The following ADAM12 variants were observed in gnomAD, a reference collection of about 807,000 sequenced individuals.
ADAM12 encodes the protein ADAM metallopeptidase domain 12, also known as disintegrin and metalloproteinase domain-containing protein 12.
Under a neutral mutation model 106.4 loss-of-function variants are expected in ADAM12, and 70 were observed. The ratio of observed to expected loss-of-function variants is 0.66; its 90% CI spans 0.54 to 0.80. ADAM12 has a LOEUF of 0.80. Among genes scored for constraint, ADAM12 ranks in the 30% least tolerant of loss-of-function variants. The pLI is 0.00. For synonymous variants in ADAM12, 420 were observed against 433.5 expected (o/e 0.97, Z 0.39); for missense variants, 1,010 against 1,171.9 (o/e 0.86, Z 2.02).
intron 1 of ADAM12, among the ~76,000 whole-genome samples, chr10:126,387,808 C>T (rs936171692): frequency 1.3e-5 from 2 of 150,524 alleles, no homozygotes; most frequent in East Asian, 4.0e-4. Context: ...GGAGCGGTCC[C>T]GAGGCTGTGC....
rs115800583 is a variant in ADAM12 at position 126,276,566 on chromosome 10, C to T, written c.260+2349G>A. 7.0e-3 allele frequency among the ~76,000 whole-genome samples: 1,071 copies of T among 152,056 alleles called. 10 individuals are homozygous for T. The highest frequency in any genetic ancestry group is 0.025 in the African/African-American group (1,019 of 41,490). ...TTATACTGAAGTATTTTTGGTAATG[C>T]ATCATTAAAATAGTAATATTGGCAT... On this transcript the variant is annotated intron_variant, in intron 3 of 22. Coordinates refer to ENST00000448723, the MANE Select transcript of ADAM12 (RefSeq NM_001288973.2).
chr10:126,178,607 C>T (rs986664848), intron 3 of ADAM12, among the ~76,000 whole-genome samples: 3 of 151,816 alleles, frequency 2.0e-5, no homozygotes, highest in African/African-American at 7.3e-5. Context: ...CAGAAACAGG[C>T]TTCAGAGAGA....
At chr10:126,312,131 GAAAAAAAAA>G (rs35783742) in intron 2 of ADAM12, among the ~76,000 whole-genome samples, 1 of 123,980 alleles carries the variant, frequency 8.1e-6, no homozygotes, top group African/African-American at 3.1e-5. Context: ...GGTTGGTGTG[GAAAAAAAAA>G]AAAAAAAAAA....
intron 21 of ADAM12, among the ~76,000 whole-genome samples, chr10:126,023,902 C>A: frequency 1.6e-5 from 2 of 128,432 alleles, no homozygotes; most frequent in Non-Finnish European, 1.7e-5. Flanking sequence ...AAAAAGTGAA[C>A]TCATGGAAAA....
At chr10:126,351,810 A>G (rs1307878390) in intron 1 of ADAM12, among the ~76,000 whole-genome samples, 1 of 152,114 alleles carries the variant, frequency 6.6e-6, no homozygotes, top group African/African-American at 2.4e-5. Flanking sequence ...CTGAGTGCCC[A>G]AAGACTCTAG....
chr10:126,248,896 G>C (rs536431371), intron 3 of ADAM12, among the ~76,000 whole-genome samples: 1 of 151,814 alleles, frequency 6.6e-6, no homozygotes, highest in Admixed American at 6.6e-5. Flanking sequence ...AGTAGAGATG[G>C]GTTTTCATGA....
At chr10:126,346,745 CTTG>C (rs1855155192) in intron 1 of ADAM12, among the ~76,000 whole-genome samples, 1 of 152,168 alleles carries the variant, frequency 6.6e-6, no homozygotes, top group Non-Finnish European at 1.5e-5. Flanking sequence ...GTTAGCTCTT[CTTG>C]TTGAATTGAT....
chr10:126,251,884 CAATG>C (rs1958777669), intron 3 of ADAM12, among the ~76,000 whole-genome samples: 2 of 14,880 alleles, frequency 1.3e-4, no homozygotes, highest in Non-Finnish European at 2.8e-4. Context: ...GGGATGGATG[CAATG>C]GATGGATGGG....
chr10:126,087,311 A>G (rs1488826515), intron 11 of ADAM12, among the ~76,000 whole-genome samples: 1 of 152,190 alleles, frequency 6.6e-6, no homozygotes, highest in Non-Finnish European at 1.5e-5. Flanking sequence ...CAGGCTGCAT[A>G]TTGATGCGCC....
At position 126,049,328 on chromosome 10, in the gene ADAM12, C is replaced by T; in HGVS notation, c.1842G>A (p.Gly614=). The change falls in exon 16 of 23, where the codon GGG becomes GGA. Residue 614 remains glycine (G), a synonymous_variant. Coordinates refer to ENST00000448723, the MANE Select transcript of ADAM12 (RefSeq NM_001288973.2). The surrounding 1 kb of genome is among the most constrained non-coding windows in gnomAD (Gnocchi z 4.4). The stretch of plus-strand genomic sequence containing the variant: ...TGTCATCGCCCAAGTACACGTGGGT[C>T]CCCCGGCACAGAATCCGGCCTCCTT... ...LQQGGRILCR[G]THVYLGDDMP... is the part of the protein sequence containing the mutation. 3.1e-6 allele frequency: 5 copies of T among 1,614,214 alleles called. No homozygotes were observed. The highest frequency in any genetic ancestry group is 1.6e-4 in the Middle Eastern group (1 of 6,062).
intron 5 of ADAM12, among the ~76,000 whole-genome samples, chr10:126,130,581 C>G (rs1376640386): frequency 6.6e-6 from 1 of 152,182 alleles, no homozygotes. Context: ...CCTGGGGATG[C>G]GGGGTGGATG....
intron 2 of ADAM12, among the ~76,000 whole-genome samples, chr10:126,281,064 C>T (rs911181863): frequency 6.6e-6 from 1 of 152,166 alleles, no homozygotes; most frequent in East Asian, 1.9e-4. Flanking sequence ...TTTGCCTATA[C>T]TTGCTGACAC....
At chr10:126,102,058 C>T (rs1040687936) in intron 8 of ADAM12, among the ~76,000 whole-genome samples, 3 of 152,076 alleles carry the variant, frequency 2.0e-5, no homozygotes, top group South Asian at 2.1e-4. Context: ...ACAGGCAGGT[C>T]GTTCTGGGTC....
chr10:126,300,833 G>A (rs1044971731), intron 2 of ADAM12, among the ~76,000 whole-genome samples: 2 of 152,158 alleles, frequency 1.3e-5, no homozygotes, highest in East Asian at 1.9e-4. Flanking sequence ...TAACATTGCC[G>A]GAGTATTCCA....
chr10:126,063,321 G>A (rs761918806), intron 14 of ADAM12, among the ~76,000 whole-genome samples: 44 of 152,298 alleles, frequency 2.9e-4, no homozygotes, highest in Middle Eastern at 3.4e-3. Flanking sequence ...AGAGGACATC[G>A]CTGGCTGGCA....
intron 11 of ADAM12, among the ~76,000 whole-genome samples, chr10:126,078,456 C>A (rs1256877002): frequency 6.6e-6 from 1 of 152,098 alleles, no homozygotes; most frequent in Non-Finnish European, 1.5e-5. Context: ...TCTTTGAAGT[C>A]CCAAACCCCC....
chr10:126,184,064 C>A (rs1338259428), intron 3 of ADAM12, among the ~76,000 whole-genome samples: 1 of 152,230 alleles, frequency 6.6e-6, no homozygotes, highest in East Asian at 1.9e-4. Flanking sequence ...GCCAAGGAAT[C>A]TGGACCTAGT....
chr10:126,321,754 T>TA lies in ADAM12; in HGVS notation c.186+8657dup, dbSNP rs1383515012. 2.6e-5 allele frequency among the ~76,000 whole-genome samples: 4 copies of TA among 152,312 alleles called. No individual in the cohort carries two copies. The East Asian group carries it at 7.7e-4, about 29-fold the overall frequency. On this transcript the variant is annotated intron_variant, in intron 2 of 22. Coordinates refer to ENST00000448723, the MANE Select transcript of ADAM12 (RefSeq NM_001288973.2). ...ACCTCAGCTGTCTGGAGTCAAGATG[T>TA]ATGAAGCAGTCCTGATATGATGCCC... is the stretch of plus-strand genomic sequence containing the variant.
At chr10:126,194,467 T>C (rs17154491) in intron 3 of ADAM12, among the ~76,000 whole-genome samples, 10,530 of 152,206 alleles carry the variant, frequency 0.069, 699 homozygotes, top group African/African-American at 0.16. Flanking sequence ...AAAACGTGAT[T>C]TAATGTAGCA....
Sources: allele counts gnomAD v4.1 joint callset (sites outside exome capture counted in the v4.1 genomes callset), GRCh38; gene constraint gnomAD v4.1.1; non-coding constraint Gnocchi (gnomAD v3.1); transcripts MANE v1.5; gene names NCBI Gene and HGNC (gene_info 2026-07-23, HGNC 2026-07-21).